The following SPSB1 variants were observed in gnomAD, a reference collection of about 807,000 sequenced individuals.
SPSB1 encodes SPRY domain-containing SOCS box protein 1.
In SPSB1, 8 loss-of-function variants were observed where a neutral mutation model predicts 21.2. That is an observed-to-expected ratio of 0.38 (90% CI 0.22 to 0.68). The LOEUF is 0.68. SPSB1 is among the 30% of genes least tolerant of loss of function. The pLI, the probability that SPSB1 is intolerant of heterozygous loss-of-function variation, is 0.53. For synonymous variants in SPSB1, 169 were observed against 161.7 expected (o/e 1.05, Z -0.34); for missense variants, 242 against 377.8 (o/e 0.64, Z 2.98).
At chr1:9,316,626 G>C (rs879257489) in intron 1 of SPSB1, among the ~76,000 whole-genome samples, 18 of 152,300 alleles carry the variant, frequency 1.2e-4, no homozygotes, top group Admixed American at 1.0e-3. Context: ...TGCTACCTTA[G>C]AGCCCACCCG....
At chr1:9,313,268 C>T (rs1024624795) in intron 1 of SPSB1, among the ~76,000 whole-genome samples, 3 of 152,070 alleles carry the variant, frequency 2.0e-5, no homozygotes, top group African/African-American at 4.8e-5. Flanking sequence ...GACGTGGTGC[C>T]GGGCACCTAT....
rs573403010 is a variant in SPSB1, at chr1:9,313,639, A to G, written c.-150+20568A>G. Among the ~76,000 whole-genome samples, 44 of 152,272 alleles carry G rather than the reference A, an allele frequency of 2.9e-4. No individual in the cohort carries two copies. In the Middle Eastern group the frequency reaches 0.034, roughly 118 times the overall value. ...TGATGGAGAGAAGCCTTAGCCAGGC[A>G]AAGGAGAGGGCATGGGTGGGTGCTC... is the stretch of plus-strand genomic sequence containing the variant. On this transcript the variant is annotated intron_variant, in intron 1 of 2. Transcript: ENST00000328089.
chr1:9,362,112 C>T (rs903079545), intron 2 of SPSB1, among the ~76,000 whole-genome samples: 3 of 152,228 alleles, frequency 2.0e-5, no homozygotes, highest in African/African-American at 7.2e-5. Context: ...TTCCTGCACT[C>T]CACTCCAGCT....
intron 2 of SPSB1, among the ~76,000 whole-genome samples, chr1:9,362,192 C>CCCTTCCTT (rs376060720): frequency 3.3e-4 from 50 of 150,154 alleles, no homozygotes; most frequent in African/African-American, 9.6e-4. Context: ...CTCCCTCCCT[C>CCCTTCCTT]CCTTCCTTCC....
At chr1:9,310,406 T>C (rs1188162107) in intron 1 of SPSB1, among the ~76,000 whole-genome samples, 4 of 152,070 alleles carry the variant, frequency 2.6e-5, no homozygotes, top group African/African-American at 7.3e-5. Flanking sequence ...CAAGAAGACC[T>C]AAAGGGCCGG....
intron 1 of SPSB1, among the ~76,000 whole-genome samples, chr1:9,354,392 G>A (rs1640326948): frequency 6.6e-6 from 1 of 152,250 alleles, no homozygotes; most frequent in Admixed American, 6.5e-5. Context: ...CCTTGCCCCT[G>A]GCCTAGTTGA....
intron 1 of SPSB1, among the ~76,000 whole-genome samples, chr1:9,302,376 A>G (rs1639343851): frequency 6.6e-6 from 1 of 152,042 alleles, no homozygotes; most frequent in Non-Finnish European, 1.5e-5. Flanking sequence ...ATTGTGTAGA[A>G]TGATCGGGCT....
At position 9,363,814 on chromosome 1, in the gene SPSB1, CCTCAAA is replaced by C. The variant is rs1451252081; in HGVS notation, c.695-3630_695-3625del. 3.2e-4 allele frequency among the ~76,000 whole-genome samples: 49 copies of C among 152,278 alleles called. No homozygotes were observed. Among genetic ancestry groups the C allele is most frequent in the African/African-American group, 1.1e-3 (44 of 41,556 alleles). ...CTCCCAGGTTCAAGCAATCCTCCTGCCTCAAACTCCCAAGTAGCTGGGACTACAGGC... is the reference window on the plus strand; with the variant it reads ...CTCCCAGGTTCAAGCAATCCTCCTGCCTCCCAAGTAGCTGGGACTACAGGC... On this transcript the variant is annotated intron_variant, in intron 2 of 2. Coordinates refer to ENST00000328089, the MANE Select transcript of SPSB1 (RefSeq NM_025106.4). The surrounding 1 kb of genome is among the most constrained non-coding windows in gnomAD (Gnocchi z 4.5).
chr1:9,340,292 G>A (rs1640069908), intron 1 of SPSB1, among the ~76,000 whole-genome samples: 1 of 152,224 alleles, frequency 6.6e-6, no homozygotes, highest in African/African-American at 2.4e-5. Flanking sequence ...TGGGGGGGAA[G>A]GCAGGGACAC....
At chr1:9,301,430 G>A (rs1270590500) in intron 1 of SPSB1, among the ~76,000 whole-genome samples, 3 of 152,202 alleles carry the variant, frequency 2.0e-5, no homozygotes, top group Non-Finnish European at 4.4e-5. Flanking sequence ...AGCCTAGGAG[G>A]TTGAGGCTGC....
intron 1 of SPSB1, among the ~76,000 whole-genome samples, chr1:9,352,418 C>T (rs1278100733): frequency 6.6e-6 from 1 of 152,180 alleles, no homozygotes; most frequent in African/African-American, 2.4e-5. Context: ...CTGGCGGACC[C>T]CAGGCCAGCC....
rs991072710 is a variant in SPSB1 at position 9,348,771 on chromosome 1, T to A, written c.-149-6972T>A. 5.9e-5 allele frequency among the ~76,000 whole-genome samples: 9 copies of A among 152,038 alleles called. No individual in the cohort carries two copies. Among genetic ancestry groups the A allele is most frequent in the Non-Finnish European group, 1.2e-4 (8 of 68,000 alleles). On this transcript the variant is annotated intron_variant, in intron 1 of 2. Transcript: ENST00000328089. This position sits in a 1 kb window ranked among gnomAD's most constrained non-coding sequence, Gnocchi z 4.8. ...GGAGTACGGGGCTTTCAGAAGCTCATCTGCTTAGAGCCCAGGCTGCCACCG... is the reference window on the plus strand; with the variant it reads ...GGAGTACGGGGCTTTCAGAAGCTCAACTGCTTAGAGCCCAGGCTGCCACCG...
In SPSB1 at chr1:9,346,384, G is replaced by A. The variant is rs904937207; in HGVS notation, c.-149-9359G>A. ...GGAGGTGGGTGAGTGTCTGCCACTC[G>A]CTGGTGACAGACCCACCTCTGTGCA... On this transcript the variant is annotated intron_variant, in intron 1 of 2. Coordinates refer to ENST00000328089, the MANE Select transcript of SPSB1 (RefSeq NM_025106.4). This position sits in a 1 kb window ranked among gnomAD's most constrained non-coding sequence, Gnocchi z 4.4. Among the ~76,000 whole-genome samples the A allele has an allele frequency of 6.6e-6, 1 of 152,174 alleles. No individual in the cohort carries two copies. Among genetic ancestry groups the A allele is most frequent in the Non-Finnish European group, 1.5e-5 (1 of 68,022 alleles).
chr1:9,297,966 G>A (rs1328494837), intron 1 of SPSB1, among the ~76,000 whole-genome samples: 3 of 152,208 alleles, frequency 2.0e-5, no homozygotes, highest in Non-Finnish European at 4.4e-5. Flanking sequence ...TACAGTGGGA[G>A]CCGCAGTCAC....
intron 1 of SPSB1, among the ~76,000 whole-genome samples, chr1:9,329,661 C>A (rs1639881680): frequency 6.7e-6 from 1 of 150,360 alleles, no homozygotes. Flanking sequence ...CCACTGCACT[C>A]CAGCCTGGGT....
rs1236593763 is a variant in SPSB1, at chr1:9,324,231, G to A, written c.-150+31160G>A. ...ACGCAGCTGGAATGGGCCTAGGTGG[G>A]AGGGACTTTGTCTTTACTACCACGT... On this transcript the variant is annotated intron_variant, in intron 1 of 2. Coordinates refer to ENST00000328089, the MANE Select transcript of SPSB1 (RefSeq NM_025106.4). The surrounding 1 kb of genome is among the most constrained non-coding windows in gnomAD (Gnocchi z 4.3). Among the ~76,000 whole-genome samples the A allele has an allele frequency of 6.6e-6, 1 of 152,228 alleles. No homozygotes were observed. Among genetic ancestry groups the A allele is most frequent in the Non-Finnish European group, 1.5e-5 (1 of 68,052 alleles).
In SPSB1 at chr1:9,356,270, G is replaced by A; in HGVS notation, c.379G>A (p.Val127Ile). The change falls in exon 2 of 3, where the codon GTC becomes ATC. Residue 127 changes from valine (V) to isoleucine (I), a missense_variant. Transcript: ENST00000328089. This position sits in a 1 kb window ranked among gnomAD's most constrained non-coding sequence, Gnocchi z 7.4. The stretch of plus-strand genomic sequence containing the variant: ...GACGGCAGACGCCCCCCTGCACTCT[G>A]TCGGGTACACAACCCTCGTGGGGAA... ...VATADAPLHS[V>I]GYTTLVGNNH... The A allele has an allele frequency of 1.2e-6, 2 of 1,613,280 alleles. No homozygotes were observed. Among genetic ancestry groups the A allele is most frequent in the Non-Finnish European group, 1.7e-6 (2 of 1,179,872 alleles).
At chr1:9,314,747 A>G (rs1639582064) in intron 1 of SPSB1, among the ~76,000 whole-genome samples, 2 of 152,200 alleles carry the variant, frequency 1.3e-5, no homozygotes, top group Admixed American at 6.5e-5. Context: ...TCCTGTGGCC[A>G]TTTCTAGTGG....
intron 1 of SPSB1, among the ~76,000 whole-genome samples, chr1:9,297,401 T>C (rs4908835): frequency 0.14 from 22,008 of 152,096 alleles, 1,792 homozygotes; most frequent in South Asian, 0.27. Context: ...GGTGCCCCAG[T>C]TGTGAACACA....
Sources: gnomAD v4.1 joint callset for allele counts (sites outside exome capture counted in the v4.1 genomes callset) on GRCh38, gnomAD v4.1.1 for gene constraint, Gnocchi (gnomAD v3.1) non-coding constraint, MANE v1.5 for transcripts, NCBI Gene and HGNC (gene_info 2026-07-23, HGNC 2026-07-21) for gene names.